GALNT13: variants seen among roughly 807,000 people sequenced by gnomAD.
GALNT13 encodes the protein polypeptide N-acetylgalactosaminyltransferase 13, also known as UDP-GalNAc:polypeptide N-acetylgalactosaminyltransferase 13.
A neutral mutation model predicts 64.2 loss-of-function variants in GALNT13; 28 were observed. That is an observed-to-expected ratio of 0.44 (90% CI 0.32 to 0.60). The LOEUF (loss-of-function observed/expected upper bound fraction) is 0.60. Among genes scored for constraint, GALNT13 ranks in the 20% least tolerant of loss-of-function variants. The probability of loss-of-function intolerance (pLI) is 0.05; values close to 1 mark genes in which losing one functional copy is unlikely to be tolerated. For synonymous variants in GALNT13, 214 were observed against 224.6 expected, an observed-to-expected ratio of 0.95 and a Z score of 0.42; for missense variants, 577 against 669.8, an observed-to-expected ratio of 0.86 and a Z score of 1.53.
the GALNT13 span, among the ~76,000 whole-genome samples, chr2:153,697,204 G>C: frequency 6.6e-6 from 1 of 152,186 alleles, no homozygotes; most frequent in Admixed American, 6.5e-5. Context: ...GGTCTCTTCT[G>C]TCTGTTGATC....
the GALNT13 span, among the ~76,000 whole-genome samples, chr2:153,136,848 CCACACA>C: frequency 4.1e-3 from 603 of 148,434 alleles, 3 homozygotes; most frequent in African/African-American, 0.012. Context: ...GGTGTTTGCA[CCACACA>C]CACACACACA....
chr2:153,931,008 G>GT lies in GALNT13; in HGVS notation c.-104-13385dup, dbSNP rs986405328. Among the ~76,000 whole-genome samples the GT allele has an allele frequency of 6.0e-5, 9 of 150,170 alleles. 1 individual carries two copies. The Admixed American group carries it at 6.0e-4, about 10-fold the overall frequency. ...CTCTGATTTCTTTCAGCAATGTTTT[G>GT]TAATTCTCAATGTAGAGATATTTCA... is the stretch of plus-strand genomic sequence containing the variant. On this transcript the variant is annotated intron_variant, in intron 2 of 12. Transcript: ENST00000392825.
rs373983945 is a variant in GALNT13 at position 154,154,083 on chromosome 2, G to A, written c.311+13578G>A. ...CTATTCGGCCATCTTGGCTGCTTCA[G>A]TGTGTTCTTATATTTCTAATATTTT... On this transcript the variant is annotated intron_variant, in intron 4 of 12. Coordinates refer to ENST00000392825, the MANE Select transcript of GALNT13 (RefSeq NM_052917.4). Among the ~76,000 whole-genome samples the A allele has an allele frequency of 2.0e-5, 3 of 152,158 alleles. No individual in the cohort carries two copies. The South Asian group carries it at 6.2e-4, about 32-fold the overall frequency.
At chr2:153,321,972 T>TTGTGTGTGTGTGTG in the GALNT13 span, among the ~76,000 whole-genome samples, 196 of 149,306 alleles carry the variant, frequency 1.3e-3, no homozygotes, top group Middle Eastern at 6.8e-3. Flanking sequence ...GTGTGTAAAG[T>TTGTGTGTGTGTGTG]TGTGTGTGTG....
At chr2:153,803,819 G>C in the GALNT13 span, among the ~76,000 whole-genome samples, 2 of 152,010 alleles carry the variant, frequency 1.3e-5, no homozygotes, top group African/African-American at 4.8e-5. Context: ...CAAGCCAAGA[G>C]AAAAGGCTTC....
At chr2:154,384,904 A>T (rs1042580598) in intron 9 of GALNT13, among the ~76,000 whole-genome samples, 2 of 151,886 alleles carry the variant, frequency 1.3e-5, no homozygotes, top group African/African-American at 4.8e-5. Flanking sequence ...TCAAACAACA[A>T]TTAAGATGCA....
At chr2:154,402,621 T>C (rs1699348941) in intron 10 of GALNT13, among the ~76,000 whole-genome samples, 1 of 152,204 alleles carries the variant, frequency 6.6e-6, no homozygotes, top group Non-Finnish European at 1.5e-5. Flanking sequence ...GAGCTACCAG[T>C]GTGCGCTACT....
chr2:153,252,624 A>G, the GALNT13 span, among the ~76,000 whole-genome samples: 1 of 152,158 alleles, frequency 6.6e-6, no homozygotes, highest in Non-Finnish European at 1.5e-5. Context: ...GTAAGTCTTT[A>G]ATCCATCTTG....
chr2:154,303,524 T>C (rs1693564018), intron 9 of GALNT13, among the ~76,000 whole-genome samples: 2 of 151,636 alleles, frequency 1.3e-5, no homozygotes, highest in South Asian at 4.2e-4. Flanking sequence ...TTTTACAAAC[T>C]GCTCTTTGTT....
At chr2:153,338,552 A>G in the GALNT13 span, among the ~76,000 whole-genome samples, 37,038 of 152,120 alleles carry the variant, frequency 0.24, 5,335 homozygotes, top group African/African-American at 0.39. Context: ...TGATATAAAC[A>G]GACATTGTGG....
At chr2:153,238,689 A>T in the GALNT13 span, among the ~76,000 whole-genome samples, 2 of 151,846 alleles carry the variant, frequency 1.3e-5, no homozygotes, top group African/African-American at 4.8e-5. Flanking sequence ...CCATTAGTCT[A>T]TGTGTCCATT....
At chr2:153,666,820 A>G in the GALNT13 span, among the ~76,000 whole-genome samples, 8 of 152,138 alleles carry the variant, frequency 5.3e-5, no homozygotes, top group South Asian at 8.3e-4. Context: ...CAAGGCTGAG[A>G]TGGCTAAAAT....
At chr2:153,415,977 T>A in the GALNT13 span, among the ~76,000 whole-genome samples, 1 of 152,304 alleles carries the variant, frequency 6.6e-6, no homozygotes, top group East Asian at 1.9e-4. Flanking sequence ...GTTTAATCAT[T>A]CTAGGTAATT....
intron 8 of GALNT13, among the ~76,000 whole-genome samples, chr2:154,267,562 C>G (rs1431851006): frequency 1.3e-5 from 2 of 152,088 alleles, no homozygotes; most frequent in African/African-American, 4.8e-5. Context: ...ATCACTTCAA[C>G]CTGGGAGGCG....
chr2:153,500,391 A>G, the GALNT13 span, among the ~76,000 whole-genome samples: 3 of 152,182 alleles, frequency 2.0e-5, no homozygotes, highest in Admixed American at 6.5e-5. Context: ...TGGTAGCTAC[A>G]GTTGTGCTTG....
At chr2:153,403,806 C>A in the GALNT13 span, among the ~76,000 whole-genome samples, 1 of 152,130 alleles carries the variant, frequency 6.6e-6, no homozygotes, top group Non-Finnish European at 1.5e-5. Context: ...GTGTGCTCAC[C>A]CACTGACCTG....
At chr2:154,012,025 G>A (rs1045362997) in intron 3 of GALNT13, among the ~76,000 whole-genome samples, 6 of 152,032 alleles carry the variant, frequency 3.9e-5, no homozygotes, top group Non-Finnish European at 8.8e-5. Flanking sequence ...CCAACTTGCT[G>A]CCACTTTATG....
intron 4 of GALNT13, among the ~76,000 whole-genome samples, chr2:154,220,536 G>A (rs868204807): frequency 6.6e-6 from 1 of 151,870 alleles, no homozygotes; most frequent in Admixed American, 6.6e-5. Context: ...AAAAATACAT[G>A]TGCACATATG....
At chr2:154,307,693 T>G (rs1327569999) in intron 9 of GALNT13, among the ~76,000 whole-genome samples, 1 of 152,190 alleles carries the variant, frequency 6.6e-6, no homozygotes, top group African/African-American at 2.4e-5. Context: ...TACTATAGCA[T>G]CATTGATTTT....
Sources: gnomAD v4.1 joint callset for allele counts (sites outside exome capture counted in the v4.1 genomes callset) on GRCh38, gnomAD v4.1.1 for gene constraint, MANE v1.5 for transcripts, NCBI Gene and HGNC (gene_info 2026-07-23, HGNC 2026-07-21) for gene names.